The following FHIT variants were observed in gnomAD, a reference collection of about 807,000 sequenced individuals.
FHIT encodes bis(5'-adenosyl)-triphosphatase.
FHIT carries 19 observed loss-of-function variants against 17.9 expected under a neutral mutation model. The observed-to-expected ratio is 1.06, with a 90% CI of 0.74 to 1.56. The LOEUF (loss-of-function observed/expected upper bound fraction) is 1.56, where lower values mean the gene tolerates loss of function less well. Ranked by LOEUF, FHIT falls within the 40% of genes most tolerant of loss-of-function variation. The pLI, the probability that FHIT is intolerant of heterozygous loss-of-function variation, is 0.00. For synonymous variants in FHIT, 81 were observed against 69.7 expected (o/e 1.16, Z -0.81); for missense variants, 248 against 189.2 (o/e 1.31, Z -1.82).
At chr3:61,171,827 A>G (rs2038012861) in intron 2 of FHIT, among the ~76,000 whole-genome samples, 1 of 152,228 alleles carries the variant, frequency 6.6e-6, no homozygotes, top group African/African-American at 2.4e-5. Context: ...TCTACATTGT[A>G]CCAAGATCCC....
At chr3:60,033,996 T>C (rs1253940565) in intron 5 of FHIT, among the ~76,000 whole-genome samples, 1 of 152,008 alleles carries the variant, frequency 6.6e-6, no homozygotes, top group Non-Finnish European at 1.5e-5. Context: ...CGTGAGGGAG[T>C]AGCCAACAGC....
At chr3:61,045,896 A>G (rs2033762196) in intron 2 of FHIT, among the ~76,000 whole-genome samples, 1 of 152,220 alleles carries the variant, frequency 6.6e-6, no homozygotes, top group South Asian at 2.1e-4. Flanking sequence ...ACTACTGGGC[A>G]CATAACGAAA....
chr3:60,710,360 T>C (rs1384957633), intron 4 of FHIT, among the ~76,000 whole-genome samples: 2 of 152,148 alleles, frequency 1.3e-5, no homozygotes, highest in African/African-American at 4.8e-5. Context: ...AGATGGGTGA[T>C]TTCTGCATTT....
chr3:60,366,621 T>C (rs557987062), intron 5 of FHIT, among the ~76,000 whole-genome samples: 20 of 152,308 alleles, frequency 1.3e-4, no homozygotes, highest in African/African-American at 4.8e-4. Context: ...GGAATGGCTA[T>C]GTTATAAAAG....
At chr3:60,819,038 CTT>C (rs1282544271) in intron 4 of FHIT, among the ~76,000 whole-genome samples, 5 of 102,204 alleles carry the variant, frequency 4.9e-5, no homozygotes, top group Non-Finnish European at 1.1e-4. Context: ...TTTTTCTTTT[CTT>C]TTTTTTTTTT....
chr3:60,858,502 C>T (rs1439690610), intron 3 of FHIT, among the ~76,000 whole-genome samples: 3 of 152,126 alleles, frequency 2.0e-5, no homozygotes, highest in Admixed American at 6.6e-5. Context: ...AGATTGTGAA[C>T]TCTGTTCACA....
chr3:59,882,459 T>C (rs1159408739), intron 8 of FHIT, among the ~76,000 whole-genome samples: 2 of 105,506 alleles, frequency 1.9e-5, no homozygotes, highest in South Asian at 4.1e-4. Flanking sequence ...CAGACTGTAA[T>C]TGAGTTTTAG....
chr3:60,328,597 G>C (rs939468505), intron 5 of FHIT, among the ~76,000 whole-genome samples: 2 of 152,154 alleles, frequency 1.3e-5, no homozygotes, highest in African/African-American at 4.8e-5. Flanking sequence ...TACACCTGGG[G>C]ATTATGGGAA....
chr3:60,923,531 T>A (rs532913077), intron 3 of FHIT, among the ~76,000 whole-genome samples: 2 of 152,192 alleles, frequency 1.3e-5, no homozygotes, highest in Non-Finnish European at 2.9e-5. Context: ...ATAATTATAC[T>A]TCCTAAAAGA....
At chr3:60,162,200 GT>G (rs1700970546) in intron 5 of FHIT, among the ~76,000 whole-genome samples, 1 of 152,068 alleles carries the variant, frequency 6.6e-6, no homozygotes, top group Admixed American at 6.6e-5. Flanking sequence ...TACGTTTTAG[GT>G]TTCCAATAAA....
At chr3:61,088,789 G>A (rs1179151576) in intron 2 of FHIT, among the ~76,000 whole-genome samples, 1 of 152,046 alleles carries the variant, frequency 6.6e-6, no homozygotes, top group Admixed American at 6.6e-5. Context: ...ACAAAATACA[G>A]TGAATGCATT....
At chr3:60,363,459 C>G (rs1459685754) in intron 5 of FHIT, among the ~76,000 whole-genome samples, 1 of 152,282 alleles carries the variant, frequency 6.6e-6, no homozygotes, top group Non-Finnish European at 1.5e-5. Context: ...ATGCCAGACA[C>G]TGTATTAATT....
At chr3:60,924,422 T>A (rs1304538613) in intron 3 of FHIT, among the ~76,000 whole-genome samples, 1 of 152,124 alleles carries the variant, frequency 6.6e-6, no homozygotes, top group Non-Finnish European at 1.5e-5. Context: ...TTCTGCAGCC[T>A]CTGCTGGTGA....
chr3:60,129,276 C>G (rs1315932789), intron 5 of FHIT, among the ~76,000 whole-genome samples: 1 of 151,984 alleles, frequency 6.6e-6, no homozygotes, highest in African/African-American at 2.4e-5. Context: ...TGGTCTTTAT[C>G]TCCTGAACTC....
At chr3:60,791,813 T>G (rs1553728588) in intron 4 of FHIT, among the ~76,000 whole-genome samples, 1 of 152,118 alleles carries the variant, frequency 6.6e-6, no homozygotes, top group Non-Finnish European at 1.5e-5. Flanking sequence ...TTTCTAAATC[T>G]TCTTCTCTCT....
intron 3 of FHIT, among the ~76,000 whole-genome samples, chr3:60,826,623 C>T (rs921315331): frequency 6.6e-6 from 1 of 152,178 alleles, no homozygotes; most frequent in Non-Finnish European, 1.5e-5. Context: ...AGCAGACTGT[C>T]TCAGCGTGGA....
intron 3 of FHIT, among the ~76,000 whole-genome samples, chr3:60,861,173 C>CTATGATATATATCATA (rs1703809843): frequency 8.4e-4 from 1 of 1,184 alleles, no homozygotes; most frequent in African/African-American, 1.4e-3. Flanking sequence ...ATCATATGTT[C>CTATGATATATATCATA]TATGATATAT....
chr3:60,044,878 C>A (rs1455307063), intron 5 of FHIT, among the ~76,000 whole-genome samples: 1 of 152,050 alleles, frequency 6.6e-6, no homozygotes, highest in Admixed American at 6.6e-5. Context: ...GCCCTGTGAG[C>A]ACAATGAGCT....
chr3:60,101,324 A>T (rs143705912), intron 5 of FHIT, among the ~76,000 whole-genome samples: 317 of 152,112 alleles, frequency 2.1e-3, no homozygotes, highest in African/African-American at 7.2e-3. Flanking sequence ...TCTCCCTCAC[A>T]CCTCCTGCAC....
Sources: allele counts gnomAD v4.1 joint callset (sites outside exome capture counted in the v4.1 genomes callset), GRCh38; gene constraint gnomAD v4.1.1; transcripts MANE v1.5; gene names NCBI Gene and HGNC (gene_info 2026-07-23, HGNC 2026-07-21).